The following CDADC1 variants were observed in gnomAD, a reference collection of about 807,000 sequenced individuals.
The protein encoded by CDADC1 is dCTP deaminase.
A neutral mutation model predicts 54.9 loss-of-function variants in CDADC1; 39 were observed. The observed-to-expected ratio is 0.71, with a 90% CI of 0.55 to 0.93. The LOEUF (loss-of-function observed/expected upper bound fraction) is 0.93, where lower values mean the gene tolerates loss of function less well. CDADC1 is among the 40% of genes least tolerant of loss of function. The probability of loss-of-function intolerance (pLI) is 0.00; values close to 1 mark genes in which losing one functional copy is unlikely to be tolerated. For missense variants in CDADC1, 518 were observed against 618.8 expected, an observed-to-expected ratio of 0.84 and a Z score of 1.73; for synonymous variants, 186 against 204.0, an observed-to-expected ratio of 0.91 and a Z score of 0.75.
chr13:49,250,677 C>A (rs1163973278), intron 2 of CDADC1, among the ~76,000 whole-genome samples: 1 of 152,060 alleles, frequency 6.6e-6, no homozygotes, highest in African/African-American at 2.4e-5. Context: ...CATTGTATGC[C>A]TTGCAAAGGA....
At chr13:49,256,698 G>A (rs1051570289) in intron 3 of CDADC1, among the ~76,000 whole-genome samples, 3 of 152,132 alleles carry the variant, frequency 2.0e-5, no homozygotes, top group Non-Finnish European at 2.9e-5. Context: ...CAGAGGTTCC[G>A]ATTCATTGGA....
chr13:49,248,486 G>C (rs1252139216), intron 1 of CDADC1: 1 of 334,540 alleles, frequency 3.0e-6, no homozygotes, highest in Non-Finnish European at 5.5e-6. Flanking sequence ...GCATTTTTCG[G>C]GTTGTGTTCT....
intron 3 of CDADC1, 71 bp from the exon 4 acceptor site, chr13:49,259,275 T>G: frequency 9.5e-7 from 1 of 1,049,666 alleles, no homozygotes; most frequent in Non-Finnish European, 1.4e-6. Context: ...TTATTAATAA[T>G]TCAAGTATAA....
At chr13:49,278,630 C>A in intron 7 of CDADC1, 111 bp downstream of exon 7, 1 of 874,722 alleles carries the variant, frequency 1.1e-6, no homozygotes, top group Non-Finnish European at 1.7e-6. Context: ...AGAAAGTTTC[C>A]TTTCAGAAGT....
chr13:49,279,690 G>A (rs1274394405), intron 7 of CDADC1, among the ~76,000 whole-genome samples: 2 of 152,170 alleles, frequency 1.3e-5, no homozygotes, highest in Non-Finnish European at 2.9e-5. Flanking sequence ...CCTAGTCCAG[G>A]TGAACGTAAA....
chr13:49,255,768 T>C, intron 2 of CDADC1, 71 bp from the exon 3 acceptor site: 2 of 1,566,848 alleles, frequency 1.3e-6, no homozygotes, highest in Non-Finnish European at 1.7e-6. Flanking sequence ...AGCCTTTAAA[T>C]ATGGGAATAT....
At chr13:49,273,545 C>A (rs1482082373) in intron 5 of CDADC1, among the ~76,000 whole-genome samples, 1 of 152,116 alleles carries the variant, frequency 6.6e-6, no homozygotes, top group Non-Finnish European at 1.5e-5. Context: ...TTAAGAAGTA[C>A]AGCTTTACTT....
At chr13:49,261,622 A>C (rs1952689649) in intron 4 of CDADC1, among the ~76,000 whole-genome samples, 1 of 152,256 alleles carries the variant, frequency 6.6e-6, no homozygotes, top group Admixed American at 6.5e-5. Flanking sequence ...GCAAGGTCCA[A>C]ATAGGGTTCA....
intron 2 of CDADC1, among the ~76,000 whole-genome samples, 162 bp downstream of exon 2, chr13:49,249,127 T>G (rs532026770): frequency 6.6e-6 from 1 of 152,376 alleles, no homozygotes; most frequent in South Asian, 2.1e-4. Flanking sequence ...CCAGCCGTAA[T>G]AAGTCATCTT....
chr13:49,277,322 T>A (rs1172736009), intron 6 of CDADC1, among the ~76,000 whole-genome samples: 7 of 151,454 alleles, frequency 4.6e-5, no homozygotes, highest in Non-Finnish European at 4.4e-5. Flanking sequence ...AAAGAAAAAA[T>A]TAGCCAGGCA....
intron 3 of CDADC1, among the ~76,000 whole-genome samples, chr13:49,258,761 A>C (rs1269396088): frequency 6.6e-6 from 1 of 152,232 alleles, no homozygotes; most frequent in Non-Finnish European, 1.5e-5. Flanking sequence ...ACCTAACTAT[A>C]GTAGTCTAGA....
At chr13:49,286,660 G>A (rs1953522730) in intron 9 of CDADC1, among the ~76,000 whole-genome samples, 1 of 152,086 alleles carries the variant, frequency 6.6e-6, no homozygotes, top group African/African-American at 2.4e-5. Context: ...AAATGATGAG[G>A]ATATATACAT....
intron 4 of CDADC1, among the ~76,000 whole-genome samples, chr13:49,264,177 A>G (rs182439953): frequency 1.3e-5 from 2 of 152,280 alleles, no homozygotes; most frequent in East Asian, 3.9e-4. Context: ...TCTTGAGACA[A>G]TTATTTGGGT....
chr13:49,279,058 A>G (rs772704120), intron 7 of CDADC1, among the ~76,000 whole-genome samples: 1 of 152,198 alleles, frequency 6.6e-6, no homozygotes, highest in Admixed American at 6.5e-5. Context: ...TATTCAGAAT[A>G]GGGATTTATA....
Position 49,291,630 on chromosome 13 carries a change from T to C in CDADC1, c.1472-54T>C. On this transcript the variant is annotated intron_variant, in intron 9 of 9. Transcript: ENST00000251108. Reference sequence around the variant, plus strand: ...TTACAACATGTAAGGCTGAAACAAGTGCCCATGGGTTTGAAATGAAGCTGT... The same window carrying C: ...TTACAACATGTAAGGCTGAAACAAGCGCCCATGGGTTTGAAATGAAGCTGT... 4 of 1,565,614 alleles carry C rather than the reference T, an allele frequency of 2.6e-6. 1 individual carries two copies. The highest frequency in any genetic ancestry group is 3.5e-6 in the Non-Finnish European group (4 of 1,153,694).
intron 3 of CDADC1, 63 bp downstream of exon 3, chr13:49,255,976 G>A (rs1257983696): frequency 6.4e-6 from 10 of 1,554,726 alleles, no homozygotes; most frequent in Non-Finnish European, 6.9e-6. Context: ...ATAGTATAAA[G>A]TAGAATAAAA....
Position 49,254,623 on chromosome 13 carries a change from G to C in CDADC1, c.178-1216G>C, listed in dbSNP as rs140904959. 9.1e-3 allele frequency among the ~76,000 whole-genome samples: 1,381 copies of C among 152,116 alleles called. 8 individuals are homozygous for C. Among genetic ancestry groups the C allele is most frequent in the Non-Finnish European group, 0.015 (1,042 of 67,972 alleles). ...TCACTATGTTGGCCAGGCTGGTCTCGAACTCTTGACCTCGTGATCTGTCCG... is the reference window on the plus strand; with the variant it reads ...TCACTATGTTGGCCAGGCTGGTCTCCAACTCTTGACCTCGTGATCTGTCCG... On this transcript the variant is annotated intron_variant, in intron 2 of 9. Coordinates refer to ENST00000251108, the MANE Select transcript of CDADC1 (RefSeq NM_030911.4).
chr13:49,259,729 C>A (rs1952628628), intron 4 of CDADC1, among the ~76,000 whole-genome samples: 1 of 151,946 alleles, frequency 6.6e-6, no homozygotes, highest in East Asian at 1.9e-4. Context: ...CGCCTGTAGT[C>A]CCCACTACTT....
chr13:49,264,486 A>G (rs1242983191), intron 4 of CDADC1, among the ~76,000 whole-genome samples: 4 of 147,776 alleles, frequency 2.7e-5, no homozygotes, highest in Non-Finnish European at 5.9e-5. Flanking sequence ...TTGTGAGGCC[A>G]GTGGGAGGAC....
Sources: gnomAD v4.1 joint callset for allele counts (sites outside exome capture counted in the v4.1 genomes callset) on GRCh38, gnomAD v4.1.1 for gene constraint, MANE v1.5 for transcripts, NCBI Gene and HGNC (gene_info 2026-07-23, HGNC 2026-07-21) for gene names.